LMO7: variants seen among roughly 807,000 people sequenced by gnomAD.
LMO7 encodes LIM domain only protein 7.
Under a neutral mutation model 206.5 loss-of-function variants are expected in LMO7, and 120 were observed. The observed-to-expected ratio is 0.58, with a 90% CI of 0.50 to 0.68. The LOEUF is 0.68. LMO7 is among the 30% of genes least tolerant of loss of function. LMO7 has a pLI of 0.00. For synonymous variants in LMO7, 706 were observed against 681.5 expected, an observed-to-expected ratio of 1.04 and a Z score of -0.56; for missense variants, 1,959 against 1,957.9, an observed-to-expected ratio of 1.00 and a Z score of -0.01.
rs778777383 is a variant in LMO7 at position 75,853,334 on chromosome 13, C to A, written c.4607C>A (p.Thr1536Asn). Residue 1536 changes from threonine to asparagine, a missense_variant, in exon 28 of 31, where the codon ACC becomes AAC. Transcript: ENST00000377534. Reference sequence around the variant, plus strand: ...GGTGTGGCCACCACACAGTCCCCCACCCCGAGAAGCCATTCCCCTTCAGCT... The same window carrying A: ...GGTGTGGCCACCACACAGTCCCCCAACCCGAGAAGCCATTCCCCTTCAGCT... ...TTGVATTQSP[T>N]PRSHSPSASQ... 6.2e-7 allele frequency: 1 copy of A among 1,613,420 alleles called. No homozygotes were observed. The highest frequency in any genetic ancestry group is 1.1e-5 in the South Asian group (1 of 90,966).
At chr13:75,730,970 T>G (rs2045133752) in intron 3 of LMO7, among the ~76,000 whole-genome samples, 1 of 151,460 alleles carries the variant, frequency 6.6e-6, no homozygotes, top group African/African-American at 2.4e-5. Flanking sequence ...GAGTTCTAGT[T>G]TGATTGCCCT....
chr13:75,791,364 T>C (rs1409118153), intron 4 of LMO7, among the ~76,000 whole-genome samples: 10 of 152,208 alleles, frequency 6.6e-5, no homozygotes, highest in Admixed American at 6.5e-4. Flanking sequence ...AAATTGGACA[T>C]ATTTGAAGTA....
At chr13:75,827,305 A>G (rs2058209645) in intron 15 of LMO7, among the ~76,000 whole-genome samples, 1 of 152,170 alleles carries the variant, frequency 6.6e-6, no homozygotes, top group Admixed American at 6.6e-5. Flanking sequence ...TAGGAATGTA[A>G]GCACTATGGT....
chr13:75,662,638 G>T (rs927462165), intron 1 of LMO7, among the ~76,000 whole-genome samples: 8 of 152,172 alleles, frequency 5.3e-5, no homozygotes, highest in African/African-American at 1.9e-4. Context: ...TTTTTAATGT[G>T]CCAAAAGTTT....
intron 2 of LMO7, among the ~76,000 whole-genome samples, chr13:75,714,446 A>G (rs989272506): frequency 2.6e-5 from 4 of 152,186 alleles, no homozygotes; most frequent in Non-Finnish European, 5.9e-5. Flanking sequence ...TCTGTTGGCA[A>G]GTGTTCAAAG....
chr13:75,816,850 T>G (rs1240762030), intron 11 of LMO7: 1 of 194,264 alleles, frequency 5.1e-6, no homozygotes, highest in Non-Finnish European at 1.0e-5. Context: ...CTTTCATGCA[T>G]TGACCTCTTT....
chr13:75,707,274 TATG>T (rs1297232225), intron 1 of LMO7, among the ~76,000 whole-genome samples: 1 of 152,042 alleles, frequency 6.6e-6, no homozygotes, highest in Non-Finnish European at 1.5e-5. Flanking sequence ...CATGTTTACT[TATG>T]ATACATTCTT....
At chr13:75,711,278 T>G (rs1353576712) in intron 1 of LMO7, among the ~76,000 whole-genome samples, 1 of 152,214 alleles carries the variant, frequency 6.6e-6, no homozygotes, top group Non-Finnish European at 1.5e-5. Context: ...GTTGTGTCTC[T>G]GCCAGGCTTT....
At chr13:75,737,846 A>T (rs2046057090) in intron 3 of LMO7, among the ~76,000 whole-genome samples, 1 of 143,868 alleles carries the variant, frequency 7.0e-6, no homozygotes, top group African/African-American at 2.5e-5. Context: ...AGCTGCCAAA[A>T]AAAAAAAAAA....
intron 4 of LMO7, among the ~76,000 whole-genome samples, chr13:75,764,921 A>G (rs1287743436): frequency 6.6e-6 from 1 of 152,172 alleles, no homozygotes; most frequent in East Asian, 1.9e-4. Flanking sequence ...AAACATTGAT[A>G]TTAACGGAGT....
chr13:75,649,421 G>A (rs1365409930), intron 1 of LMO7, among the ~76,000 whole-genome samples: 1 of 152,208 alleles, frequency 6.6e-6, no homozygotes, highest in Non-Finnish European at 1.5e-5. Flanking sequence ...TGAAAGATAA[G>A]TAGAGAGAGT....
At chr13:75,624,450 A>C (rs2033760949) in intron 2 of LMO7, among the ~76,000 whole-genome samples, 1 of 152,232 alleles carries the variant, frequency 6.6e-6, no homozygotes. Flanking sequence ...CCTTACTTTA[A>C]GAATATTTTA....
intron 15 of LMO7, among the ~76,000 whole-genome samples, chr13:75,827,588 C>A (rs1328121084): frequency 6.6e-6 from 1 of 152,130 alleles, no homozygotes; most frequent in Non-Finnish European, 1.5e-5. Context: ...ATCTAGGCTG[C>A]CAAGCTCATT....
intron 1 of LMO7, chr13:75,623,233 T>C (rs2033561135): frequency 1.0e-6 from 1 of 1,004,810 alleles, no homozygotes; most frequent in Non-Finnish European, 1.5e-6. Flanking sequence ...TTTTCTGTAT[T>C]GGTTTTTTAA....
Position 75,653,029 on chromosome 13 carries a change from C to T in LMO7, c.69+16303C>T, listed in dbSNP as rs2037731954. ...CTCGGGGACAGAATCATGGCCTCAT[C>T]CATGCCCTTTACAGCCCAGCTTTTC... On this transcript the variant is annotated intron_variant, in intron 1 of 30. Coordinates refer to ENST00000377534, the MANE Select transcript of LMO7 (RefSeq NM_001306080.2). 2.0e-5 allele frequency among the ~76,000 whole-genome samples: 3 copies of T among 151,782 alleles called. No homozygotes were observed. In the South Asian group the frequency reaches 6.2e-4, roughly 32 times the overall value.
intron 1 of LMO7, among the ~76,000 whole-genome samples, chr13:75,700,692 A>C (rs1268889359): frequency 6.6e-6 from 1 of 152,224 alleles, no homozygotes; most frequent in East Asian, 1.9e-4. Context: ...TCAACAGCCG[A>C]TCTGCAAACC....
intron 1 of LMO7, among the ~76,000 whole-genome samples, chr13:75,657,780 A>G (rs1390909467): frequency 6.6e-6 from 1 of 152,066 alleles, no homozygotes; most frequent in Non-Finnish European, 1.5e-5. Flanking sequence ...ATTCCTTGTT[A>G]TATTTAGATG....
At chr13:75,713,132 G>T (rs753197264) in intron 1 of LMO7, 50 bp from the exon 2 acceptor site, 5 of 1,332,404 alleles carry the variant, frequency 3.8e-6, no homozygotes, top group Non-Finnish European at 5.3e-6. Context: ...AATTGGACTT[G>T]TGTGCTATCC....
intron 6 of LMO7, 78 bp from the exon 7 acceptor site, chr13:75,800,606 C>A: frequency 1.5e-6 from 2 of 1,343,448 alleles, no homozygotes; most frequent in Non-Finnish European, 2.1e-6. Flanking sequence ...ATTAGGCAAA[C>A]AAGCAAGTAA....
Sources: gnomAD v4.1 joint callset for allele counts (sites outside exome capture counted in the v4.1 genomes callset) on GRCh38, gnomAD v4.1.1 for gene constraint, MANE v1.5 for transcripts, NCBI Gene and HGNC (gene_info 2026-07-23, HGNC 2026-07-21) for gene names.